The following XRCC4 variants were observed in gnomAD, a reference collection of about 807,000 sequenced individuals.
XRCC4 encodes the protein DNA repair protein XRCC4.
In XRCC4, 28 loss-of-function variants were observed where a neutral mutation model predicts 39.1. That is an observed-to-expected ratio of 0.72 (90% CI 0.53 to 0.98). The LOEUF (loss-of-function observed/expected upper bound fraction) is 0.98, where lower values mean the gene tolerates loss of function less well. Ranked by LOEUF, XRCC4 falls within the 50% of genes least tolerant of loss-of-function variation. The pLI is 0.00. For synonymous variants in XRCC4, 123 were observed against 126.4 expected (o/e 0.97, Z 0.18); for missense variants, 350 against 376.4 (o/e 0.93, Z 0.58).
In XRCC4 at chr5:83,301,302, G is replaced by A. The variant is rs140164295; in HGVS notation, c.893+42625G>A. Among the ~76,000 whole-genome samples, 703 of 152,238 alleles carry A rather than the reference G, an allele frequency of 4.6e-3. 4 individuals are homozygous for A. Among genetic ancestry groups the A allele is most frequent in the Middle Eastern group, 0.024 (7 of 294 alleles). ...TGGCGTGAGATGGTATCTCATTGTG[G>A]TTTTGATTTGCATTTCTCTAATGCC... On this transcript the variant is annotated intron_variant, in intron 7 of 7. Transcript: ENST00000396027.
intron 6 of XRCC4, among the ~76,000 whole-genome samples, chr5:83,225,771 C>A (rs1752264032): frequency 6.6e-6 from 1 of 151,824 alleles, no homozygotes; most frequent in African/African-American, 2.4e-5. Flanking sequence ...CAATTAGCCA[C>A]TGGAGATGTG....
intron 6 of XRCC4, among the ~76,000 whole-genome samples, chr5:83,220,008 C>A (rs1752019175): frequency 6.6e-6 from 1 of 151,968 alleles, no homozygotes; most frequent in African/African-American, 2.4e-5. Context: ...TCAAATTGTA[C>A]TAACAAGTCT....
At chr5:83,277,899 A>G (rs1302018160) in intron 7 of XRCC4, among the ~76,000 whole-genome samples, 10 of 152,262 alleles carry the variant, frequency 6.6e-5, no homozygotes, top group Non-Finnish European at 1.5e-5. Flanking sequence ...TAAGAAAAAT[A>G]CAGCATTTTC....
intron 6 of XRCC4, among the ~76,000 whole-genome samples, chr5:83,218,991 G>A (rs1359818745): frequency 6.6e-6 from 1 of 152,066 alleles, no homozygotes; most frequent in Non-Finnish European, 1.5e-5. Context: ...TCACATTCTG[G>A]AGGCTAGGAT....
At chr5:83,134,103 T>A (rs1455396447) in intron 3 of XRCC4, among the ~76,000 whole-genome samples, 1 of 152,226 alleles carries the variant, frequency 6.6e-6, no homozygotes, top group African/African-American at 2.4e-5. Context: ...TGGACCGCTG[T>A]TCCCTATTCG....
intron 7 of XRCC4, among the ~76,000 whole-genome samples, chr5:83,335,725 G>A (rs1214872934): frequency 1.3e-5 from 2 of 152,020 alleles, no homozygotes; most frequent in South Asian, 4.1e-4. Flanking sequence ...TTACAATTGA[G>A]TTGACTATTA....
chr5:83,291,626 A>C (rs977220513), intron 7 of XRCC4, among the ~76,000 whole-genome samples: 1 of 151,846 alleles, frequency 6.6e-6, no homozygotes, highest in Non-Finnish European at 1.5e-5. Context: ...CCACAGTGCT[A>C]TGTGTGCTCT....
At chr5:83,203,992 TA>T (rs996538294) in intron 5 of XRCC4, among the ~76,000 whole-genome samples, 24 of 151,708 alleles carry the variant, frequency 1.6e-4, no homozygotes, top group African/African-American at 3.4e-4. Flanking sequence ...CATACTAATT[TA>T]AAAAAAAACT....
intron 6 of XRCC4, among the ~76,000 whole-genome samples, chr5:83,253,496 T>TTGTG (rs60610512): frequency 1.7e-3 from 257 of 149,696 alleles, no homozygotes; most frequent in African/African-American, 5.4e-3. Flanking sequence ...GGGTGTATGT[T>TTGTG]TGTGTGTGTG....
intron 6 of XRCC4, among the ~76,000 whole-genome samples, chr5:83,242,086 T>TAA (rs11397699): frequency 7.5e-4 from 110 of 146,458 alleles, no homozygotes; most frequent in Middle Eastern, 3.5e-3. Context: ...AACTTTTATT[T>TAA]AAAAAAAAAA....
chr5:83,129,843 C>G (rs569571010), intron 3 of XRCC4, among the ~76,000 whole-genome samples: 1 of 152,240 alleles, frequency 6.6e-6, no homozygotes, highest in South Asian at 2.1e-4. Context: ...GCTGAAGTTG[C>G]TTATCAGCTT....
the XRCC4 span, among the ~76,000 whole-genome samples, chr5:83,368,392 G>A: frequency 2.0e-5 from 3 of 152,168 alleles, no homozygotes; most frequent in Admixed American, 2.0e-4. Flanking sequence ...GGTTGTTCAC[G>A]TTCATCTGCT....
At chr5:83,196,742 A>G (rs1470327367) in intron 4 of XRCC4, among the ~76,000 whole-genome samples, 1 of 151,408 alleles carries the variant, frequency 6.6e-6, no homozygotes, top group Non-Finnish European at 1.5e-5. Context: ...TAATAATGAT[A>G]ATAATTATTA....
chr5:83,341,044 C>G lies in XRCC4; in HGVS notation c.894-12087C>G, dbSNP rs111644757. 4.4e-3 allele frequency among the ~76,000 whole-genome samples: 663 copies of G among 152,196 alleles called. 5 individuals are homozygous for G. Among genetic ancestry groups the G allele is most frequent in the African/African-American group, 0.015 (635 of 41,530 alleles). On this transcript the variant is annotated intron_variant, in intron 7 of 7. Transcript: ENST00000396027. ...TTCTCAGCGAAGAAGGTAATACAGCCTATTCCAGAAGACACTAGTTTCTTG... is the reference window on the plus strand; with the variant it reads ...TTCTCAGCGAAGAAGGTAATACAGCGTATTCCAGAAGACACTAGTTTCTTG...
chr5:83,349,444 A>G (rs964297253), intron 7 of XRCC4, among the ~76,000 whole-genome samples: 14 of 152,088 alleles, frequency 9.2e-5, no homozygotes, highest in African/African-American at 3.4e-4. Context: ...TTCTAAATTT[A>G]CTCTATTGAC....
chr5:83,225,336 G>T (rs1488380545), intron 6 of XRCC4, among the ~76,000 whole-genome samples: 1 of 151,934 alleles, frequency 6.6e-6, no homozygotes. Context: ...GCTGGGTGTG[G>T]GCATTTACTT....
chr5:83,260,038 A>T (rs1356308120), intron 7 of XRCC4, among the ~76,000 whole-genome samples: 2 of 152,028 alleles, frequency 1.3e-5, no homozygotes, highest in Non-Finnish European at 2.9e-5. Flanking sequence ...ATCTACATAT[A>T]CTTAAAAATG....
chr5:83,211,087 A>G (rs1032544676), intron 6 of XRCC4, among the ~76,000 whole-genome samples: 2 of 152,214 alleles, frequency 1.3e-5, no homozygotes, highest in Non-Finnish European at 2.9e-5. Flanking sequence ...ATTGACCCAA[A>G]AATAAGCAAA....
rs534513901 is a variant in XRCC4 at position 83,135,016 on chromosome 5, A to C, written c.315+23813A>C. 5.3e-5 allele frequency among the ~76,000 whole-genome samples: 8 copies of C among 152,300 alleles called. No individual in the cohort carries two copies. In the East Asian group the frequency reaches 1.5e-3, roughly 29 times the overall value. On this transcript the variant is annotated intron_variant, in intron 3 of 7. Transcript: ENST00000396027. ...AACAAACTCTGGACACACCATCTTT[A>C]AGAACTGTTAACACTCACCGCGAGG... is the stretch of plus-strand genomic sequence containing the variant.
Sources: allele counts gnomAD v4.1 joint callset (sites outside exome capture counted in the v4.1 genomes callset), GRCh38; gene constraint gnomAD v4.1.1; transcripts MANE v1.5; gene names NCBI Gene and HGNC (gene_info 2026-07-23, HGNC 2026-07-21).